DPP6: variants seen among roughly 807,000 people sequenced by gnomAD.
DPP6 encodes dipeptidyl peptidase like 6, also known as A-type potassium channel modulatory protein DPP6.
In DPP6, 69 loss-of-function variants were observed where a neutral mutation model predicts 122.6. The observed-to-expected ratio is 0.56, with a 90% CI of 0.46 to 0.69. DPP6 has a LOEUF of 0.69. DPP6 is among the 30% of genes least tolerant of loss of function. The pLI is 0.00. For synonymous variants in DPP6, 418 were observed against 433.1 expected, an observed-to-expected ratio of 0.97 and a Z score of 0.43; for missense variants, 928 against 1,116.9, an observed-to-expected ratio of 0.83 and a Z score of 2.41.
At chr7:154,392,947 G>T (rs1453639939) in intron 1 of DPP6, among the ~76,000 whole-genome samples, 1 of 152,208 alleles carries the variant, frequency 6.6e-6, no homozygotes, top group Non-Finnish European at 1.5e-5. Flanking sequence ...CTACTTAAAA[G>T]AGAATTCAGG....
chr7:154,072,701 A>AGAT (rs1803207622), intron 1 of DPP6, among the ~76,000 whole-genome samples: 1 of 110,950 alleles, frequency 9.0e-6, no homozygotes, highest in African/African-American at 3.3e-5. Flanking sequence ...GTGCTGAGTC[A>AGAT]GATGGAAATA....
chr7:153,949,621 CA>C (rs1385574047), intron 1 of DPP6, among the ~76,000 whole-genome samples: 4 of 152,210 alleles, frequency 2.6e-5, no homozygotes, highest in Non-Finnish European at 1.5e-5. Context: ...GATTCTCACA[CA>C]CCTAAACACG....
chr7:154,419,034 A>G (rs1306387738), intron 1 of DPP6, among the ~76,000 whole-genome samples: 1 of 152,232 alleles, frequency 6.6e-6, no homozygotes, highest in African/African-American at 2.4e-5. Context: ...TTTACCAAGC[A>G]TTTAGGGAAT....
chr7:154,129,162 G>A (rs981412195), intron 1 of DPP6, among the ~76,000 whole-genome samples: 1 of 151,988 alleles, frequency 6.6e-6, no homozygotes, highest in African/African-American at 2.4e-5. Flanking sequence ...TCCTGGAAAT[G>A]TCAGAGAGGA....
the DPP6 span, among the ~76,000 whole-genome samples, chr7:153,798,668 A>G: frequency 6.6e-6 from 1 of 152,204 alleles, no homozygotes; most frequent in Non-Finnish European, 1.5e-5. Context: ...GTTTGGGATG[A>G]TTCAAGTGCA....
the DPP6 span, among the ~76,000 whole-genome samples, chr7:153,778,876 G>A: frequency 6.7e-6 from 1 of 149,272 alleles, no homozygotes; most frequent in South Asian, 2.1e-4. Flanking sequence ...CACCAGGCCT[G>A]TATGCAACTG....
intron 1 of DPP6, among the ~76,000 whole-genome samples, chr7:154,394,904 C>G (rs1039581990): frequency 6.6e-6 from 1 of 152,214 alleles, no homozygotes; most frequent in Non-Finnish European, 1.5e-5. Context: ...TCCATATATG[C>G]AAGTTTCTTG....
intron 4 of DPP6, among the ~76,000 whole-genome samples, chr7:154,542,866 T>C (rs1348110915): frequency 3.3e-5 from 5 of 152,222 alleles, no homozygotes; most frequent in Non-Finnish European, 7.3e-5. Flanking sequence ...CAGAGCCACT[T>C]AGTCATTTAA....
the DPP6 span, among the ~76,000 whole-genome samples, chr7:153,868,605 C>A: frequency 6.6e-6 from 1 of 152,082 alleles, no homozygotes; most frequent in Admixed American, 6.6e-5. Flanking sequence ...AAAACCAGCT[C>A]CTGGATTCAT....
In DPP6 at chr7:154,456,092, AC is replaced by A. The variant is rs538723922; in HGVS notation, c.358+9765del. 5.2e-4 allele frequency among the ~76,000 whole-genome samples: 79 copies of A among 152,356 alleles called. 1 individual carries two copies. The South Asian group carries it at 8.5e-3, about 16-fold the overall frequency. Reference sequence around the variant, plus strand: ...ACCATACCATGTCAGGGTCAGGAACACAGAAAGCTGTGATATAATAAAATCG... The same window carrying A: ...ACCATACCATGTCAGGGTCAGGAACAAGAAAGCTGTGATATAATAAAATCG... On this transcript the variant is annotated intron_variant, in intron 2 of 25. Coordinates refer to ENST00000377770, the MANE Select transcript of DPP6 (RefSeq NM_130797.4).
the DPP6 span, among the ~76,000 whole-genome samples, chr7:153,797,360 G>A: frequency 6.6e-6 from 1 of 152,146 alleles, no homozygotes; most frequent in Non-Finnish European, 1.5e-5. Context: ...AAGTAAAGAG[G>A]GGAGGAGGAA....
At chr7:154,145,202 T>C (rs563526180) in intron 1 of DPP6, among the ~76,000 whole-genome samples, 7 of 152,256 alleles carry the variant, frequency 4.6e-5, no homozygotes, top group African/African-American at 1.7e-4. Flanking sequence ...TGAGCCTTGC[T>C]TTTAGAAAGA....
the DPP6 span, among the ~76,000 whole-genome samples, chr7:153,792,474 T>C: frequency 2.0e-5 from 3 of 152,180 alleles, no homozygotes; most frequent in Non-Finnish European, 2.9e-5. Flanking sequence ...ATTGAAGCCA[T>C]TTGGGCCTGT....
intron 1 of DPP6, among the ~76,000 whole-genome samples, chr7:154,422,016 C>T (rs1350193328): frequency 2.0e-5 from 3 of 152,196 alleles, no homozygotes; most frequent in South Asian, 2.1e-4. Context: ...AGCAGGAAAA[C>T]GTGGTGAAAC....
At chr7:154,509,678 A>C (rs1825914205) in intron 3 of DPP6, among the ~76,000 whole-genome samples, 1 of 152,178 alleles carries the variant, frequency 6.6e-6, no homozygotes, top group Non-Finnish European at 1.5e-5. Context: ...AATTACACTA[A>C]TGTTTGTAAT....
intron 1 of DPP6, among the ~76,000 whole-genome samples, chr7:153,906,859 A>G (rs1799873925): frequency 6.6e-6 from 1 of 152,200 alleles, no homozygotes; most frequent in Non-Finnish European, 1.5e-5. Context: ...GCCGAGTAGT[A>G]TTCCATCGTG....
At chr7:154,127,982 G>A (rs567580197) in intron 1 of DPP6, among the ~76,000 whole-genome samples, 3 of 149,864 alleles carry the variant, frequency 2.0e-5, no homozygotes, top group East Asian at 2.0e-4. Flanking sequence ...GTGCCTGAGC[G>A]AATGGGACTG....
chr7:153,969,171 A>G (rs138037852), intron 1 of DPP6, among the ~76,000 whole-genome samples: 6,047 of 148,472 alleles, frequency 0.041, 434 homozygotes, highest in African/African-American at 0.15. Flanking sequence ...GATGAACTAG[A>G]GGGAGAAGGT....
rs200499321 is a variant in DPP6, at chr7:154,608,337, A to ATTT, written c.628-29483_628-29482insTTT. On this transcript the variant is annotated intron_variant, in intron 5 of 25. Coordinates refer to ENST00000377770, the MANE Select transcript of DPP6 (RefSeq NM_130797.4). ...GGAGTGATCATATATATATATATAT[A>ATTT]TATATTTTGAGATGGAATCTCGCTC... 6.6e-5 allele frequency among the ~76,000 whole-genome samples: 8 copies of ATTT among 120,380 alleles called. 1 individual carries two copies. The highest frequency in any genetic ancestry group is 1.9e-4 in the Admixed American group (2 of 10,480). The allele number at this position is 120,380 out of a possible 152,430, so 79.0% of individuals were successfully genotyped here.
Sources: gnomAD v4.1 joint callset for allele counts (sites outside exome capture counted in the v4.1 genomes callset) on GRCh38, gnomAD v4.1.1 for gene constraint, MANE v1.5 for transcripts, NCBI Gene and HGNC (gene_info 2026-07-23, HGNC 2026-07-21) for gene names.